The following ATRNL1 variants were observed in gnomAD, a reference collection of about 807,000 sequenced individuals.
The protein encoded by ATRNL1 is attractin-like protein 1.
Under a neutral mutation model 182.7 loss-of-function variants are expected in ATRNL1, and 95 were observed. The ratio of observed to expected loss-of-function variants is 0.52; its 90% CI spans 0.44 to 0.62. The LOEUF (loss-of-function observed/expected upper bound fraction) is 0.62, where lower values mean the gene tolerates loss of function less well. Among genes scored for constraint, ATRNL1 ranks in the 20% least tolerant of loss-of-function variants. The probability of loss-of-function intolerance (pLI) is 0.00; values close to 1 mark genes in which losing one functional copy is unlikely to be tolerated. For synonymous variants in ATRNL1, 576 were observed against 568.3 expected (o/e 1.01, Z -0.19); for missense variants, 1,471 against 1,679.5 (o/e 0.88, Z 2.17).
chr10:115,897,959 C>T (rs1032386146), intron 28 of ATRNL1, among the ~76,000 whole-genome samples: 18 of 151,692 alleles, frequency 1.2e-4, no homozygotes, highest in African/African-American at 4.4e-4. Flanking sequence ...CAGGGTCTCA[C>T]TCTGTTACCA....
intron 27 of ATRNL1, among the ~76,000 whole-genome samples, chr10:115,828,482 C>T (rs915493138): frequency 2.6e-5 from 4 of 152,060 alleles, no homozygotes; most frequent in Non-Finnish European, 2.9e-5. Context: ...TTATTTTACT[C>T]TAAAGGATAT....
At chr10:115,260,471 C>T (rs1244880576) in intron 10 of ATRNL1, among the ~76,000 whole-genome samples, 4 of 152,092 alleles carry the variant, frequency 2.6e-5, no homozygotes, top group Admixed American at 2.0e-4. Context: ...GATCAGAATC[C>T]CAGAGGTCAA....
At chr10:115,138,704 T>A (rs941771769) in intron 5 of ATRNL1, among the ~76,000 whole-genome samples, 2 of 152,190 alleles carry the variant, frequency 1.3e-5, no homozygotes, top group African/African-American at 2.4e-5. Flanking sequence ...CATAGGCCTC[T>A]GGGCCTGTGA....
At chr10:115,639,429 G>A (rs2133852697) in intron 26 of ATRNL1, among the ~76,000 whole-genome samples, 1 of 152,322 alleles carries the variant, frequency 6.6e-6, no homozygotes, top group East Asian at 1.9e-4. Flanking sequence ...ACAAAGGAAA[G>A]TAATTTAAAG....
intron 25 of ATRNL1, among the ~76,000 whole-genome samples, chr10:115,536,155 C>T (rs970640435): frequency 6.6e-6 from 1 of 152,068 alleles, no homozygotes; most frequent in Non-Finnish European, 1.5e-5. Context: ...CAGACAGGGA[C>T]ATTTAATTCT....
At chr10:115,139,573 A>C (rs1845670928) in intron 5 of ATRNL1, among the ~76,000 whole-genome samples, 1 of 152,202 alleles carries the variant, frequency 6.6e-6, no homozygotes, top group African/African-American at 2.4e-5. Flanking sequence ...TCACGAGAAG[A>C]GCACAGGAAA....
At chr10:115,872,993 C>G (rs1555106454) in intron 28 of ATRNL1, among the ~76,000 whole-genome samples, 1 of 152,228 alleles carries the variant, frequency 6.6e-6, no homozygotes, top group Non-Finnish European at 1.5e-5. Context: ...TTAAGAAGAT[C>G]TTTCCGATCA....
At chr10:115,583,364 G>A (rs1855264378) in intron 26 of ATRNL1, among the ~76,000 whole-genome samples, 1 of 109,408 alleles carries the variant, frequency 9.1e-6, no homozygotes, top group African/African-American at 2.8e-5. Flanking sequence ...TCACGATATT[G>A]ATTCTTCCTA....
At chr10:115,368,348 T>C (rs1554946856) in intron 19 of ATRNL1, among the ~76,000 whole-genome samples, 1 of 152,140 alleles carries the variant, frequency 6.6e-6, no homozygotes, top group Non-Finnish European at 1.5e-5. Context: ...CCCTTGCGCT[T>C]CCCAAGTGAG....
rs143755339 is a variant in ATRNL1, at chr10:115,469,768, A to G, written c.3654+439A>G. Among the ~76,000 whole-genome samples, 126 of 150,706 alleles carry G rather than the reference A, an allele frequency of 8.4e-4. 1 individual carries two copies. Among genetic ancestry groups the G allele is most frequent in the Non-Finnish European group, 1.6e-3 (107 of 66,904 alleles). ...AGTATTTCAGTTACCTCTTTAAGTA[A>G]TTACCTCTCATCATTAATTTCCTAA... is the stretch of plus-strand genomic sequence containing the variant. On this transcript the variant is annotated intron_variant, in intron 24 of 28. Coordinates refer to ENST00000355044, the MANE Select transcript of ATRNL1 (RefSeq NM_207303.4).
chr10:115,772,968 C>T (rs1373945234), intron 27 of ATRNL1, among the ~76,000 whole-genome samples: 1 of 152,132 alleles, frequency 6.6e-6, no homozygotes, highest in East Asian at 1.9e-4. Flanking sequence ...AAATCAACCA[C>T]AGCCAATAGG....
At chr10:115,406,765 C>T (rs182179294) in intron 20 of ATRNL1, among the ~76,000 whole-genome samples, 18 of 152,178 alleles carry the variant, frequency 1.2e-4, no homozygotes, top group Admixed American at 4.6e-4. Flanking sequence ...GCTATGTACA[C>T]GTCTTTTGTT....
intron 26 of ATRNL1, among the ~76,000 whole-genome samples, chr10:115,706,208 A>C (rs1946892043): frequency 6.6e-6 from 1 of 151,860 alleles, no homozygotes; most frequent in African/African-American, 2.4e-5. Flanking sequence ...TAGTTTCTAA[A>C]ACTGCATTTC....
At chr10:115,358,072 G>A (rs1439156896) in intron 19 of ATRNL1, among the ~76,000 whole-genome samples, 4 of 151,350 alleles carry the variant, frequency 2.6e-5, no homozygotes, top group African/African-American at 9.7e-5. Flanking sequence ...ATTAGTTTAG[G>A]CCTCCATGAT....
chr10:115,108,021 C>G (rs545849112), intron 1 of ATRNL1, among the ~76,000 whole-genome samples: 12 of 152,154 alleles, frequency 7.9e-5, no homozygotes, highest in South Asian at 2.1e-4. Context: ...ATGAATAGCA[C>G]GTGACTTCCT....
In ATRNL1 at chr10:115,176,926, T is replaced by C. The variant is rs1264759; in HGVS notation, c.1348+5634T>C. On this transcript the variant is annotated intron_variant, in intron 8 of 28. Coordinates refer to ENST00000355044, the MANE Select transcript of ATRNL1 (RefSeq NM_207303.4). Reference sequence around the variant, plus strand: ...TTACTGGAGTCCTAGAGAGAAAGATTTGGGCTGAAGGTGTAAATTTGGGAG... The same window carrying C: ...TTACTGGAGTCCTAGAGAGAAAGATCTGGGCTGAAGGTGTAAATTTGGGAG... Among the ~76,000 whole-genome samples, 1,092 of 152,082 alleles carry C rather than the reference T, an allele frequency of 7.2e-3. 13 individuals carry two copies. Among genetic ancestry groups the C allele is most frequent in the African/African-American group, 0.026 (1,058 of 41,488 alleles).
chr10:115,106,650 A>G (rs189599901), intron 1 of ATRNL1, among the ~76,000 whole-genome samples: 3 of 152,306 alleles, frequency 2.0e-5, no homozygotes, highest in Admixed American at 6.5e-5. Context: ...GTAAGTCTCA[A>G]CAATATCTGC....
intron 8 of ATRNL1, among the ~76,000 whole-genome samples, chr10:115,201,480 A>C (rs1848576666): frequency 6.6e-6 from 1 of 152,126 alleles, no homozygotes; most frequent in Non-Finnish European, 1.5e-5. Context: ...CCATTTATTA[A>C]ATAGGGAATC....
chr10:115,116,125 T>A (rs1210770785), intron 1 of ATRNL1, among the ~76,000 whole-genome samples: 2 of 152,096 alleles, frequency 1.3e-5, no homozygotes, highest in African/African-American at 4.8e-5. Context: ...GTCCTCGTAG[T>A]GTGTTAGCAA....
Sources: allele counts gnomAD v4.1 joint callset (sites outside exome capture counted in the v4.1 genomes callset), GRCh38; gene constraint gnomAD v4.1.1; transcripts MANE v1.5; gene names NCBI Gene and HGNC (gene_info 2026-07-23, HGNC 2026-07-21).